SRBD1: variants seen among roughly 807,000 people sequenced by gnomAD.
The protein encoded by SRBD1 is S1 RNA binding domain 1, also known as S1 RNA-binding domain-containing protein 1.
Under a neutral mutation model 115.3 loss-of-function variants are expected in SRBD1, and 88 were observed. The observed-to-expected ratio is 0.76, with a 90% confidence interval of 0.64 to 0.91. The LOEUF (loss-of-function observed/expected upper bound fraction) is 0.91. SRBD1 is among the 40% of genes least tolerant of loss of function. SRBD1 has a pLI of 0.00. For synonymous variants in SRBD1, 509 were observed against 407.7 expected, an observed-to-expected ratio of 1.25 and a Z score of -2.99; for missense variants, 1,385 against 1,177.4, an observed-to-expected ratio of 1.18 and a Z score of -2.58.
chr2:45,398,724 A>G (rs184020414), intron 19 of SRBD1, among the ~76,000 whole-genome samples: 102 of 149,728 alleles, frequency 6.8e-4, no homozygotes, highest in East Asian at 4.7e-3. Flanking sequence ...TCATCTTTTC[A>G]GAAATAGTTG....
rs1673293592 is a variant in SRBD1, at chr2:45,579,894, G to A, written c.1053C>T (p.Tyr351=). 2 of 1,601,094 alleles carry A rather than the reference G, an allele frequency of 1.2e-6. No individual in the cohort carries two copies. Among genetic ancestry groups the A allele is most frequent in the Non-Finnish European group, 1.7e-6 (2 of 1,175,524 alleles). ...EKPGELSLLS[Y]IRPDVKGLST... Reference sequence around the variant, plus strand: ...CAGTACCTTTAACGTCAGGCCTAATGTACGATAGCAGACTGAGCTCCCCTG... The same window carrying A: ...CAGTACCTTTAACGTCAGGCCTAATATACGATAGCAGACTGAGCTCCCCTG... The change falls in exon 7 of 21, where the codon TAC becomes TAT. Residue 351 remains tyrosine, a synonymous_variant. Coordinates refer to ENST00000263736, the MANE Select transcript of SRBD1 (RefSeq NM_018079.5).
chr2:45,411,254 C>T (rs1667593678), intron 19 of SRBD1, among the ~76,000 whole-genome samples: 1 of 152,080 alleles, frequency 6.6e-6, no homozygotes, highest in South Asian at 2.1e-4. Context: ...ATTTTGGTGA[C>T]CAGAGGCCAC....
chr2:45,592,840 C>T (rs1673766607), intron 4 of SRBD1, among the ~76,000 whole-genome samples: 1 of 152,196 alleles, frequency 6.6e-6, no homozygotes, highest in East Asian at 1.9e-4. Flanking sequence ...GTTAAAAATG[C>T]AAATTCTTGG....
At chr2:45,493,929 T>C (rs1185842691) in intron 14 of SRBD1, among the ~76,000 whole-genome samples, 3 of 152,066 alleles carry the variant, frequency 2.0e-5, no homozygotes, top group South Asian at 2.1e-4. Context: ...GGATGGTAAA[T>C]TGAAAATCAG....
At chr2:45,571,904 C>G (rs1179122374) in intron 9 of SRBD1, among the ~76,000 whole-genome samples, 2 of 152,018 alleles carry the variant, frequency 1.3e-5, no homozygotes, top group Non-Finnish European at 2.9e-5. Flanking sequence ...CACTATCAAT[C>G]ATACTCTCTA....
chr2:45,522,647 A>G (rs112210811), intron 14 of SRBD1, among the ~76,000 whole-genome samples: 1,758 of 152,288 alleles, frequency 0.012, 41 homozygotes, highest in African/African-American at 0.038. Flanking sequence ...CTGAGATACC[A>G]AGACCAACTC....
intron 14 of SRBD1, among the ~76,000 whole-genome samples, chr2:45,500,658 C>T (rs965878284): frequency 1.1e-4 from 16 of 152,092 alleles, no homozygotes; most frequent in African/African-American, 2.9e-4. Context: ...TCAAGCAATC[C>T]GCCCGTTTCG....
intron 3 of SRBD1, among the ~76,000 whole-genome samples, chr2:45,601,531 C>CT (rs1395344976): frequency 6.6e-6 from 1 of 152,214 alleles, no homozygotes; most frequent in South Asian, 2.1e-4. Flanking sequence ...GAGCAAGTCA[C>CT]TTAACATCTT....
intron 14 of SRBD1, among the ~76,000 whole-genome samples, chr2:45,518,839 A>C (rs908661940): frequency 1.3e-5 from 2 of 152,124 alleles, no homozygotes; most frequent in African/African-American, 4.8e-5. Context: ...AACAATTTAC[A>C]AACTGCCAAA....
intron 14 of SRBD1, among the ~76,000 whole-genome samples, chr2:45,532,824 T>C (rs910069951): frequency 5.3e-5 from 8 of 151,936 alleles, no homozygotes; most frequent in Non-Finnish European, 8.8e-5. Flanking sequence ...CCAAAAGATA[T>C]ATAAAACACA....
chr2:45,439,755 A>G (rs552001643), intron 16 of SRBD1, among the ~76,000 whole-genome samples: 1 of 152,082 alleles, frequency 6.6e-6, no homozygotes, highest in South Asian at 2.1e-4. Context: ...TGTATCACTT[A>G]AAATCTTTGC....
intron 14 of SRBD1, among the ~76,000 whole-genome samples, chr2:45,519,972 C>T (rs552665462): frequency 1.3e-5 from 2 of 152,288 alleles, no homozygotes; most frequent in South Asian, 4.1e-4. Flanking sequence ...ATGATTCAAA[C>T]TCAGGCAGAT....
chr2:45,605,237 C>T (rs1391910538), intron 2 of SRBD1, 125 bp downstream of exon 2: 10 of 733,192 alleles, frequency 1.4e-5, no homozygotes, highest in African/African-American at 3.5e-5. Context: ...ATACTTGTTG[C>T]ATGAATGAAT....
intron 15 of SRBD1, among the ~76,000 whole-genome samples, chr2:45,483,734 T>C (rs966413810): frequency 1.3e-5 from 2 of 152,124 alleles, no homozygotes; most frequent in Non-Finnish European, 2.9e-5. Flanking sequence ...GGAAAATAAG[T>C]AAAATTCCCC....
At chr2:45,405,296 C>T (rs530872501) in intron 19 of SRBD1, among the ~76,000 whole-genome samples, 81 of 152,176 alleles carry the variant, frequency 5.3e-4, no homozygotes, top group Non-Finnish European at 9.6e-4. Flanking sequence ...GAGATTCATG[C>T]CATTAACTAT....
At chr2:45,563,017 T>G (rs17322785) in intron 9 of SRBD1, among the ~76,000 whole-genome samples, 55,274 of 152,066 alleles carry the variant, frequency 0.36, 11,061 homozygotes, top group Non-Finnish European at 0.46. Context: ...TCTAAAAATC[T>G]CATTTCAGAT....
At chr2:45,525,969 C>A (rs938910696) in intron 14 of SRBD1, among the ~76,000 whole-genome samples, 1 of 151,972 alleles carries the variant, frequency 6.6e-6, no homozygotes, top group East Asian at 1.9e-4. Flanking sequence ...AGTCAGGTAA[C>A]CATGGCAGGT....
At chr2:45,490,024 G>T (rs977823414) in intron 14 of SRBD1, among the ~76,000 whole-genome samples, 6 of 152,070 alleles carry the variant, frequency 3.9e-5, no homozygotes, top group Non-Finnish European at 8.8e-5. Flanking sequence ...AGGACATACA[G>T]GAGTCAAATA....
At chr2:45,556,894 G>A (rs1418055075) in intron 10 of SRBD1, among the ~76,000 whole-genome samples, 1 of 152,094 alleles carries the variant, frequency 6.6e-6, no homozygotes, top group Non-Finnish European at 1.5e-5. Flanking sequence ...TTATAATGGT[G>A]CCTAATACAT....
Sources: allele counts gnomAD v4.1 joint callset (sites outside exome capture counted in the v4.1 genomes callset), GRCh38; gene constraint gnomAD v4.1.1; transcripts MANE v1.5; gene names NCBI Gene and HGNC (gene_info 2026-07-23, HGNC 2026-07-21).